The following ADCY9 variants were observed in gnomAD, a reference collection of about 807,000 sequenced individuals.
ADCY9 encodes adenylate cyclase type 9.
Under a neutral mutation model 101.5 loss-of-function variants are expected in ADCY9, and 50 were observed. That is an observed-to-expected ratio of 0.49 (90% CI 0.39 to 0.62). The LOEUF (loss-of-function observed/expected upper bound fraction) is 0.62. Among genes scored for constraint, ADCY9 ranks in the 20% least tolerant of loss-of-function variants. The pLI, the probability that ADCY9 is intolerant of heterozygous loss-of-function variation, is 0.00. For missense variants in ADCY9, 1,662 were observed against 1,800.4 expected (o/e 0.92, Z 1.39); for synonymous variants, 905 against 769.3 (o/e 1.18, Z -2.92).
chr16:3,990,991 G>A (rs2056239496), intron 5 of ADCY9, among the ~76,000 whole-genome samples: 1 of 152,156 alleles, frequency 6.6e-6, no homozygotes, highest in African/African-American at 2.4e-5. Flanking sequence ...GTAGAGACGG[G>A]GTTTCACCTT....
intron 2 of ADCY9, among the ~76,000 whole-genome samples, chr16:4,011,631 C>G (rs1008722994): frequency 6.6e-6 from 1 of 152,212 alleles, no homozygotes; most frequent in African/African-American, 2.4e-5. Context: ...GGTCCGCCCC[C>G]TAATCCCGTG....
chr16:4,110,536 CACA>C (rs1567152390), intron 2 of ADCY9, among the ~76,000 whole-genome samples: 1 of 151,880 alleles, frequency 6.6e-6, no homozygotes, highest in African/African-American at 2.4e-5. Context: ...ATTACAGGCG[CACA>C]CCACCACACC....
At chr16:4,054,805 G>A (rs746308313) in intron 2 of ADCY9, among the ~76,000 whole-genome samples, 17 of 152,044 alleles carry the variant, frequency 1.1e-4, no homozygotes, top group Middle Eastern at 3.2e-3. Flanking sequence ...CTGACCTCGT[G>A]ATCCACCTGC....
At chr16:4,018,084 G>A (rs2056450070) in intron 2 of ADCY9, among the ~76,000 whole-genome samples, 1 of 152,230 alleles carries the variant, frequency 6.6e-6, no homozygotes, top group Non-Finnish European at 1.5e-5. Context: ...CCCACAGGTG[G>A]TTATACCTGC....
intron 10 of ADCY9, among the ~76,000 whole-genome samples, chr16:3,967,937 G>A (rs1333989814): frequency 1.3e-5 from 2 of 151,870 alleles, no homozygotes; most frequent in Non-Finnish European, 1.5e-5. Context: ...ATCTCAAAGT[G>A]ATCAGCTTGC....
chr16:3,973,783 G>T (rs992952502), intron 10 of ADCY9, among the ~76,000 whole-genome samples: 3 of 152,118 alleles, frequency 2.0e-5, no homozygotes, highest in East Asian at 3.9e-4. Flanking sequence ...GGGAGTCACC[G>T]AGCCCGGTCC....
chr16:4,046,246 CACGGCACACAG>C (rs1430443160), intron 2 of ADCY9, among the ~76,000 whole-genome samples: 2 of 152,160 alleles, frequency 1.3e-5, no homozygotes, highest in African/African-American at 2.4e-5. Context: ...AGCACTGAAC[CACGGCACACAG>C]TGCCCAGCAC....
chr16:4,086,919 C>A (rs146628630), intron 2 of ADCY9, among the ~76,000 whole-genome samples: 1 of 152,092 alleles, frequency 6.6e-6, no homozygotes, highest in African/African-American at 2.4e-5. Context: ...CTAGGCCTCC[C>A]AGAGTGCTGG....
chr16:3,989,428 T>G (rs1202355750), intron 5 of ADCY9, among the ~76,000 whole-genome samples: 2 of 151,624 alleles, frequency 1.3e-5, no homozygotes, highest in Admixed American at 6.6e-5. Flanking sequence ...CAGGCTGGAG[T>G]GCAATGGCGC....
intron 2 of ADCY9, among the ~76,000 whole-genome samples, chr16:4,044,915 C>T (rs1003911612): frequency 5.9e-5 from 9 of 152,156 alleles, no homozygotes; most frequent in South Asian, 4.2e-4. Context: ...CTCACAGCAA[C>T]GGGCTCCCGG....
chr16:4,084,355 G>A (rs2056924068), intron 2 of ADCY9, among the ~76,000 whole-genome samples: 2 of 151,994 alleles, frequency 1.3e-5, no homozygotes, highest in African/African-American at 2.4e-5. Flanking sequence ...CAAGTGATCT[G>A]CCTGCCTCAG....
intron 5 of ADCY9, among the ~76,000 whole-genome samples, chr16:3,955,858 G>T (rs749076884): frequency 1.4e-5 from 2 of 139,968 alleles, no homozygotes; most frequent in South Asian, 2.4e-4. Flanking sequence ...CAAAATTTAG[G>T]TTTTTTTAAA....
chr16:4,045,679 A>G (rs1218965356), intron 2 of ADCY9, among the ~76,000 whole-genome samples: 6 of 148,998 alleles, frequency 4.0e-5, no homozygotes, highest in Non-Finnish European at 8.9e-5. Flanking sequence ...AGATGGTCTC[A>G]GGCAGTAACT....
chr16:4,026,502 G>C (rs185908013), intron 2 of ADCY9, among the ~76,000 whole-genome samples: 1 of 150,632 alleles, frequency 6.6e-6, no homozygotes, highest in East Asian at 1.9e-4. Flanking sequence ...ATTTACCCTA[G>C]AGAAATCAAA....
intron 8 of ADCY9, 50 bp from the exon 9 acceptor site, chr16:3,977,680 C>A (rs1467470916): frequency 6.4e-7 from 1 of 1,568,200 alleles, no homozygotes; most frequent in Non-Finnish European, 8.7e-7. Flanking sequence ...CCCCGCCACC[C>A]CTGCTATACC....
Position 4,115,713 on chromosome 16 carries a change from C to T in ADCY9, c.-67G>A. 1 of 424,712 alleles carries T rather than the reference C, an allele frequency of 2.4e-6. No homozygotes were observed. Among genetic ancestry groups the T allele is most frequent in the South Asian group, 9.2e-5 (1 of 10,848 alleles). 26.3% of individuals were successfully genotyped at this position (424,712 alleles called of 1,614,324 possible). A position where few individuals can be genotyped will look rare whatever the true frequency, so the allele number is the denominator to read the frequency against. The stretch of plus-strand genomic sequence containing the variant: ...ACCTAGAACGCCCGGGGGTCCCCGC[C>T]GCGTGGCCGCCGTGGCTCCGGGACC... On this transcript the variant is annotated 5_prime_UTR_variant, in exon 1 of 11. Coordinates refer to ENST00000294016, the MANE Select transcript of ADCY9 (RefSeq NM_001116.4). This position sits in a 1 kb window ranked among gnomAD's most constrained non-coding sequence, Gnocchi z 6.2.
intron 2 of ADCY9, among the ~76,000 whole-genome samples, chr16:4,047,008 T>C (rs1216874900): frequency 6.7e-6 from 1 of 149,776 alleles, no homozygotes; most frequent in Admixed American, 6.6e-5. Context: ...AGACCCAATC[T>C]AAAACAAAAA....
intron 6 of ADCY9, among the ~76,000 whole-genome samples, chr16:3,985,657 C>T (rs1315117630): frequency 6.6e-6 from 1 of 152,200 alleles, no homozygotes; most frequent in Non-Finnish European, 1.5e-5. Flanking sequence ...ACACCTCCCA[C>T]CTTCCAAGCC....
intron 2 of ADCY9, among the ~76,000 whole-genome samples, chr16:4,109,435 G>A (rs1002647843): frequency 6.6e-6 from 1 of 152,202 alleles, no homozygotes; most frequent in East Asian, 1.9e-4. Flanking sequence ...CCAGAACCGT[G>A]CCTGGCACGG....
Sources: gnomAD v4.1 joint callset for allele counts (sites outside exome capture counted in the v4.1 genomes callset) on GRCh38, gnomAD v4.1.1 for gene constraint, Gnocchi (gnomAD v3.1) non-coding constraint, MANE v1.5 for transcripts, NCBI Gene and HGNC (gene_info 2026-07-23, HGNC 2026-07-21) for gene names.